ZNF277: variants seen among roughly 807,000 people sequenced by gnomAD.
ZNF277 encodes the protein nuclear receptor-interacting factor 4.
In ZNF277, 55 loss-of-function variants were observed where a neutral mutation model predicts 60.7. The ratio of observed to expected loss-of-function variants is 0.91; its 90% confidence interval spans 0.73 to 1.13. The LOEUF (loss-of-function observed/expected upper bound fraction) is 1.13. Ranked by LOEUF, ZNF277 falls within the 50% of genes most tolerant of loss-of-function variation. The probability of loss-of-function intolerance (pLI) is 0.00; values close to 1 mark genes in which losing one functional copy is unlikely to be tolerated. For missense variants in ZNF277, 510 were observed against 523.0 expected, an observed-to-expected ratio of 0.98 and a Z score of 0.24; for synonymous variants, 178 against 179.3, an observed-to-expected ratio of 0.99 and a Z score of 0.06.
At chr7:112,295,713 G>A (rs1026262996) in intron 2 of ZNF277, among the ~76,000 whole-genome samples, 156 bp from the exon 3 acceptor site, 4 of 152,116 alleles carry the variant, frequency 2.6e-5, no homozygotes, top group East Asian at 3.9e-4. Flanking sequence ...ATGCTCCACT[G>A]CCTTTGTATT....
chr7:112,284,810 TC>T (rs1183094891), intron 1 of ZNF277, among the ~76,000 whole-genome samples: 1 of 152,172 alleles, frequency 6.6e-6, no homozygotes, highest in Non-Finnish European at 1.5e-5. Flanking sequence ...ACACCTTCCT[TC>T]TCCAGCTCAG....
chr7:112,275,547 T>G (rs1791771997), intron 1 of ZNF277, among the ~76,000 whole-genome samples: 1 of 152,170 alleles, frequency 6.6e-6, no homozygotes, highest in Non-Finnish European at 1.5e-5. Context: ...CATATATGTT[T>G]TAAAGCGTAT....
intron 1 of ZNF277, among the ~76,000 whole-genome samples, chr7:112,285,823 G>GA (rs906950963): frequency 1.1e-4 from 16 of 152,058 alleles, no homozygotes; most frequent in African/African-American, 3.1e-4. Flanking sequence ...TAAAGTAAGG[G>GA]AAAAAAATAG....
intron 2 of ZNF277, among the ~76,000 whole-genome samples, chr7:112,291,667 T>G (rs1163450759): frequency 6.6e-6 from 1 of 152,178 alleles, no homozygotes; most frequent in Non-Finnish European, 1.5e-5. Flanking sequence ...TCTGCTATCT[T>G]TATTCTATCA....
intron 4 of ZNF277, among the ~76,000 whole-genome samples, chr7:112,313,147 C>T (rs1267570136): frequency 6.6e-6 from 1 of 151,810 alleles, no homozygotes; most frequent in Non-Finnish European, 1.5e-5. Context: ...TACCAATGTA[C>T]TTCATTTTCC....
chr7:112,213,019 G>A (rs889797774), intron 1 of ZNF277, among the ~76,000 whole-genome samples: 12 of 152,278 alleles, frequency 7.9e-5, no homozygotes, highest in Admixed American at 7.8e-4. Context: ...TGGTGACATG[G>A]TTTGGCTGTG....
At chr7:112,307,406 T>C (rs993256372) in intron 4 of ZNF277, among the ~76,000 whole-genome samples, 8 of 151,996 alleles carry the variant, frequency 5.3e-5, no homozygotes, top group African/African-American at 1.2e-4. Context: ...AAATAAGTTA[T>C]GAATTTATTT....
intron 5 of ZNF277, among the ~76,000 whole-genome samples, chr7:112,325,245 G>C (rs574276545): frequency 2.0e-5 from 3 of 152,140 alleles, no homozygotes; most frequent in Non-Finnish European, 4.4e-5. Flanking sequence ...CCTGGCTAAG[G>C]CTAGGCCACT....
intron 1 of ZNF277, among the ~76,000 whole-genome samples, chr7:112,234,213 T>C (rs1822421566): frequency 6.6e-6 from 1 of 152,210 alleles, no homozygotes; most frequent in Non-Finnish European, 1.5e-5. Flanking sequence ...TTAAATTATA[T>C]GTGCCTTTTA....
intron 1 of ZNF277, among the ~76,000 whole-genome samples, chr7:112,213,801 G>T (rs1174052258): frequency 2.0e-5 from 3 of 152,180 alleles, no homozygotes; most frequent in Non-Finnish European, 4.4e-5. Flanking sequence ...TAGAAAGGCA[G>T]TATGGAATAG....
At chr7:112,212,752 G>C (rs1030151794) in intron 1 of ZNF277, among the ~76,000 whole-genome samples, 3 of 152,184 alleles carry the variant, frequency 2.0e-5, no homozygotes, top group Non-Finnish European at 2.9e-5. Context: ...GGAGTTGTCA[G>C]AGTGTCTGTT....
intron 1 of ZNF277, among the ~76,000 whole-genome samples, chr7:112,270,864 C>T (rs1294602955): frequency 2.6e-5 from 4 of 151,652 alleles, no homozygotes; most frequent in Admixed American, 2.6e-4. Flanking sequence ...TCACATAAAG[C>T]ATATCTCTGT....
intron 1 of ZNF277, among the ~76,000 whole-genome samples, chr7:112,208,231 C>G (rs967144497): frequency 6.6e-6 from 1 of 151,906 alleles, no homozygotes; most frequent in Non-Finnish European, 1.5e-5. Context: ...AAAAATTAGC[C>G]GGGCGTGGTG....
chr7:112,313,449 A>G (rs892099824), intron 4 of ZNF277, among the ~76,000 whole-genome samples: 2 of 151,792 alleles, frequency 1.3e-5, no homozygotes, highest in Admixed American at 1.3e-4. Context: ...TGCCTGGCCA[A>G]TTGTTTTATT....
intron 5 of ZNF277, among the ~76,000 whole-genome samples, chr7:112,324,687 G>GCAAACCA (rs1426271700): frequency 2.6e-5 from 4 of 152,132 alleles, no homozygotes; most frequent in Admixed American, 6.6e-5. Context: ...GAATTAGCTA[G>GCAAACCA]CAAACCACTT....
intron 1 of ZNF277, among the ~76,000 whole-genome samples, chr7:112,273,810 C>T (rs899862496): frequency 6.6e-6 from 1 of 152,068 alleles, no homozygotes; most frequent in Non-Finnish European, 1.5e-5. Context: ...TCTTCAATTG[C>T]TTGCTCCTCA....
At chr7:112,308,768 A>G (rs542997800) in intron 4 of ZNF277, among the ~76,000 whole-genome samples, 1 of 152,214 alleles carries the variant, frequency 6.6e-6, no homozygotes, top group Admixed American at 6.5e-5. Context: ...AAAACAAAAG[A>G]CAGATTAACA....
chr7:112,274,008 C>G (rs1048033071), intron 1 of ZNF277, among the ~76,000 whole-genome samples: 1 of 150,284 alleles, frequency 6.7e-6, no homozygotes, highest in Non-Finnish European at 1.5e-5. Flanking sequence ...TCGAGTCTTG[C>G]TTTATAGCAA....
At chr7:112,324,274 A>G (rs1267686424) in intron 5 of ZNF277, among the ~76,000 whole-genome samples, 1 of 152,210 alleles carries the variant, frequency 6.6e-6, no homozygotes, top group Non-Finnish European at 1.5e-5. Flanking sequence ...TGAATATCTG[A>G]TGTAATTTAT....
Sources: gnomAD v4.1 joint callset for allele counts (sites outside exome capture counted in the v4.1 genomes callset) on GRCh38, gnomAD v4.1.1 for gene constraint, MANE v1.5 for transcripts, NCBI Gene and HGNC (gene_info 2026-07-23, HGNC 2026-07-21) for gene names.